Variants in RAPSN observed in about 807,000 individuals in gnomAD.
RAPSN encodes the protein 43 kDa receptor-associated protein of the synapse.
In RAPSN, 33 loss-of-function variants were observed where a neutral mutation model predicts 45.7. The ratio of observed to expected loss-of-function variants is 0.72; its 90% CI spans 0.55 to 0.97. The LOEUF (loss-of-function observed/expected upper bound fraction) is 0.97, where lower values mean the gene tolerates loss of function less well. Ranked by LOEUF, RAPSN falls within the 50% of genes least tolerant of loss-of-function variation. RAPSN has a pLI of 0.00. For missense variants in RAPSN, 519 were observed against 559.4 expected (o/e 0.93, Z 0.73); for synonymous variants, 244 against 233.6 (o/e 1.04, Z -0.40).
intron 2 of RAPSN, among the ~76,000 whole-genome samples, chr11:47,443,955 A>AAAAAAAAAAAAAAAAAAAAAAAAAAAAAG (rs1204196817): frequency 6.8e-6 from 1 of 147,878 alleles, no homozygotes; most frequent in African/African-American, 2.5e-5. Context: ...AAAAAAAAAA[A>AAAAAAAAAAAAAAAAAAAAAAAAAAAAAG]AAAAGAAAAG....
At chr11:47,444,004 C>T (rs1358860118) in intron 2 of RAPSN, among the ~76,000 whole-genome samples, 1 of 149,932 alleles carries the variant, frequency 6.7e-6, no homozygotes, top group African/African-American at 2.5e-5. Flanking sequence ...ACTAACCCAC[C>T]TTCTCGTGAC....
At chr11:47,445,270 C>G (rs545509590) in intron 2 of RAPSN, among the ~76,000 whole-genome samples, 8 of 150,958 alleles carry the variant, frequency 5.3e-5, no homozygotes, top group African/African-American at 9.7e-5. Context: ...GACTTTGGAA[C>G]AAAAGTACTC....
intron 1 of RAPSN, 41 bp from the exon 2 acceptor site, chr11:47,448,191 C>G: frequency 6.3e-7 from 1 of 1,594,556 alleles, no homozygotes. Flanking sequence ...TCAGCCTGGA[C>G]TCTGAGCCTT....
At chr11:47,441,587 G>A (rs1173416035) in intron 5 of RAPSN, 24 bp downstream of exon 5, 47 of 1,602,112 alleles carry the variant, frequency 2.9e-5, no homozygotes, top group Non-Finnish European at 3.8e-5. Flanking sequence ...AGGGCTGGAG[G>A]CTGTGGGAAA....
In RAPSN at chr11:47,448,456, C is replaced by T. The variant is rs528068529; in HGVS notation, c.193-306G>A. Among the ~76,000 whole-genome samples the T allele has an allele frequency of 1.4e-3, 215 of 151,644 alleles. 3 individuals carry two copies. Among genetic ancestry groups the T allele is most frequent in the Non-Finnish European group, 1.7e-3 (116 of 67,866 alleles). On this transcript the variant is annotated intron_variant, in intron 1 of 7. Transcript: ENST00000298854. Reference sequence around the variant, plus strand: ...CGCAACCCTGGAGCCCACACCCCGCCAGGCTCAGACACAGAACACCAGACA... The same window carrying T: ...CGCAACCCTGGAGCCCACACCCCGCTAGGCTCAGACACAGAACACCAGACA...
At chr11:47,441,453 C>A in intron 5 of RAPSN, 158 bp downstream of exon 5, 1 of 1,393,512 alleles carries the variant, frequency 7.2e-7, no homozygotes, top group Non-Finnish European at 9.7e-7. Flanking sequence ...AAGTGATGGG[C>A]CTTCTCTGAG....
chr11:47,445,240 T>A (rs573110509), intron 2 of RAPSN, among the ~76,000 whole-genome samples: 33 of 146,672 alleles, frequency 2.2e-4, no homozygotes, highest in African/African-American at 4.8e-4. Flanking sequence ...TAAAAAAAAA[T>A]ATATATATAT....
intron 2 of RAPSN, among the ~76,000 whole-genome samples, chr11:47,443,516 G>T (rs1288843070): frequency 6.6e-6 from 1 of 152,114 alleles, no homozygotes; most frequent in East Asian, 1.9e-4. Flanking sequence ...TGTGGAGGAT[G>T]GCTCCTGTTC....
rs766716866 is a variant in RAPSN, at chr11:47,448,985, C to T, written c.-21G>A. 4 of 1,614,222 alleles carry T rather than the reference C, an allele frequency of 2.5e-6. No individual in the cohort carries two copies. The highest frequency in any genetic ancestry group is 3.4e-6 in the Non-Finnish European group (4 of 1,180,046). ...CCCATCCTCCCCAAGCCCTGTGTCCCACGTGGGGTGATCCCTGGTGGCTCC... is the reference window on the plus strand; with the variant it reads ...CCCATCCTCCCCAAGCCCTGTGTCCTACGTGGGGTGATCCCTGGTGGCTCC... On this transcript the variant is annotated 5_prime_UTR_variant, in exon 1 of 8. Transcript: ENST00000298854.
intron 2 of RAPSN, 32 bp downstream of exon 2, chr11:47,447,780 T>G: frequency 6.3e-7 from 1 of 1,590,180 alleles, no homozygotes; most frequent in Middle Eastern, 1.8e-4. Context: ...CCCAAAACCC[T>G]CCACTGCTGT....
At chr11:47,448,689 A>G in intron 1 of RAPSN, 84 bp downstream of exon 1, 1 of 1,555,050 alleles carries the variant, frequency 6.4e-7, no homozygotes, top group South Asian at 1.1e-5. Context: ...GGGGAGCCCG[A>G]GGAGGCCGAG....
chr11:47,441,569 G>A, intron 5 of RAPSN, 42 bp downstream of exon 5: 3 of 1,600,018 alleles, frequency 1.9e-6, no homozygotes, highest in Non-Finnish European at 2.5e-6. Context: ...CAAGTGGGGA[G>A]TGCTGGGAGG....
rs1199991858 is a variant in RAPSN, at chr11:47,442,717, T to C, written c.629A>G (p.Tyr210Cys). 6.2e-7 allele frequency: 1 copy of C among 1,614,258 alleles called. No individual in the cohort carries two copies. Among genetic ancestry groups the C allele is most frequent in the African/African-American group, 1.3e-5 (1 of 75,062 alleles). ...WSLKYRAMSQ[Y>C]HMAVAYRLLG... is the part of the protein sequence containing the mutation. ...CAGGCGATAGGCCACGGCCATGTGG[T>C]ACTGGCTCATGGCCCGGTACTTCAG... Residue 210 changes from tyrosine to cysteine, a missense_variant, in exon 3 of 8, where the codon TAC becomes TGC. Transcript: ENST00000298854.
chr11:47,445,100 A>G (rs926189204), intron 2 of RAPSN, among the ~76,000 whole-genome samples: 2 of 150,584 alleles, frequency 1.3e-5, no homozygotes, highest in East Asian at 4.0e-4. Flanking sequence ...GCGTGGTGGC[A>G]GGCGCCTGTA....
rs2076423375 is a variant in RAPSN at position 47,448,018 on chromosome 11, A to G, written c.325T>C (p.Cys109Arg). ...GCCCTGGTACCAGGCAGCCCAAGGCAGGTCTTGCAGTAGGAGATGGTCTTG... is the reference window on the plus strand; with the variant it reads ...GCCCTGGTACCAGGCAGCCCAAGGCGGGTCTTGCAGTAGGAGATGGTCTTG... ...FHKTISYCKT[C>R]LGLPGTRAGA... is the part of the protein sequence containing the mutation. Residue 109 changes from cysteine to arginine, a missense_variant, in exon 2 of 8, where the codon TGC becomes CGC. By Grantham distance (180) the Cys-to-Arg change is radical. Transcript: ENST00000298854. 1 of 1,613,894 alleles carries G rather than the reference A, an allele frequency of 6.2e-7. No homozygotes were observed. Among genetic ancestry groups the G allele is most frequent in the Non-Finnish European group, 8.5e-7 (1 of 1,179,986 alleles).
chr11:47,438,731 C>A lies in RAPSN; in HGVS notation c.1166+1G>T. The stretch of plus-strand genomic sequence containing the variant: ...CTGTCCACCCCCCCAGGAGCCCCCA[C>A]CTGAGGTGGAAGATGTGGGAGCAAG... On this transcript the variant is annotated splice_donor_variant, in intron 7 of 7. Coordinates refer to ENST00000298854, the MANE Select transcript of RAPSN (RefSeq NM_005055.5). LOFTEE classifies it high-confidence loss of function. 6.4e-7 allele frequency: 1 copy of A among 1,560,356 alleles called. No homozygotes were observed.
intron 2 of RAPSN, among the ~76,000 whole-genome samples, chr11:47,447,140 C>A (rs564543253): frequency 1.4e-4 from 21 of 152,228 alleles, no homozygotes; most frequent in Non-Finnish European, 2.5e-4. Context: ...TGCTCTCTCA[C>A]CAGATTTTTG....
chr11:47,445,238 A>T (rs7925389), intron 2 of RAPSN, among the ~76,000 whole-genome samples: 47,025 of 151,192 alleles, frequency 0.31, 7,469 homozygotes, highest in Middle Eastern at 0.41. Flanking sequence ...TCTAAAAAAA[A>T]ATATATATAT....
Position 47,438,714 on chromosome 11 carries a change from C to A in RAPSN, c.1166+18G>T. The A allele has an allele frequency of 1.3e-6, 2 of 1,554,534 alleles. No individual in the cohort carries two copies. The highest frequency in any genetic ancestry group is 2.4e-5 in the South Asian group (2 of 84,114). Reference sequence around the variant, plus strand: ...AGAGATCCTGCCCACCCCTGTCCACCCCCCCAGGAGCCCCCACCTGAGGTG... The same window carrying A: ...AGAGATCCTGCCCACCCCTGTCCACACCCCCAGGAGCCCCCACCTGAGGTG... On this transcript the variant is annotated intron_variant, in intron 7 of 7. Transcript: ENST00000298854.
Sources: allele counts gnomAD v4.1 joint callset (sites outside exome capture counted in the v4.1 genomes callset), GRCh38; gene constraint gnomAD v4.1.1; transcripts MANE v1.5; gene names NCBI Gene and HGNC (gene_info 2026-07-23, HGNC 2026-07-21).